The following SLC22A24 variants were observed in gnomAD, a reference collection of about 807,000 sequenced individuals.
SLC22A24 encodes solute carrier family 22 member 24.
A neutral mutation model predicts 49.8 loss-of-function variants in SLC22A24; 53 were observed. That is an observed-to-expected ratio of 1.06 (90% CI 0.85 to 1.34). SLC22A24 has a LOEUF of 1.34. Among genes scored for constraint, SLC22A24 ranks in the 40% most tolerant of loss-of-function variants. The probability of loss-of-function intolerance (pLI) is 0.00; values close to 1 mark genes in which losing one functional copy is unlikely to be tolerated. For synonymous variants in SLC22A24, 302 were observed against 256.4 expected (o/e 1.18, Z -1.70); for missense variants, 786 against 675.9 (o/e 1.16, Z -1.81).
intron 2 of SLC22A24, among the ~76,000 whole-genome samples, chr11:63,127,007 C>A (rs1031370019): frequency 1.3e-5 from 2 of 151,986 alleles, no homozygotes; most frequent in Admixed American, 6.6e-5. Flanking sequence ...ACTTTAAGTT[C>A]TAGGGTACAT....
intron 5 of SLC22A24, among the ~76,000 whole-genome samples, chr11:63,099,663 C>T (rs935656356): frequency 6.6e-6 from 1 of 151,814 alleles, no homozygotes; most frequent in African/African-American, 2.4e-5. Flanking sequence ...AATATTGATA[C>T]AGAAATCCTC....
intron 4 of SLC22A24, among the ~76,000 whole-genome samples, chr11:63,113,467 A>C (rs2087189725): frequency 6.6e-6 from 1 of 151,898 alleles, no homozygotes; most frequent in Non-Finnish European, 1.5e-5. Context: ...AAAATCTCTC[A>C]GAATTTGCTT....
intron 2 of SLC22A24, among the ~76,000 whole-genome samples, chr11:63,120,608 T>C (rs77335778): frequency 0.12 from 18,186 of 152,020 alleles, 1,219 homozygotes; most frequent in Middle Eastern, 0.16. Context: ...GAGCAGTATG[T>C]GTGTCACAGA....
At position 63,096,022 on chromosome 11, in the gene SLC22A24, G is replaced by T; in HGVS notation, c.1039C>A (p.Arg347=). ...IFSLFRAPKL[R]MRVFGLCFVR... ...AAGCACAGGCCGAAGACTCTCATTC[G>T]CAATTTGGGTGCACGGAACAGGGAA... is the stretch of plus-strand genomic sequence containing the variant. The change falls in exon 6 of 10, where the codon CGA becomes AGA. Residue 347 remains arginine, a synonymous_variant. Transcript: ENST00000612278. 3 of 1,550,564 alleles carry T rather than the reference G, an allele frequency of 1.9e-6. No homozygotes were observed. The highest frequency in any genetic ancestry group is 2.4e-5 in the South Asian group (2 of 84,020).
intron 1 of SLC22A24, among the ~76,000 whole-genome samples, chr11:63,137,225 AAGG>A (rs2134683940): frequency 6.6e-6 from 1 of 152,298 alleles, no homozygotes; most frequent in African/African-American, 2.4e-5. Context: ...GGAAGATTTC[AAGG>A]AGGTTTCTCA....
At chr11:63,122,625 C>T (rs1255824785) in intron 2 of SLC22A24, among the ~76,000 whole-genome samples, 1 of 152,140 alleles carries the variant, frequency 6.6e-6, no homozygotes, top group Non-Finnish European at 1.5e-5. Flanking sequence ...AGCCATTCTC[C>T]TGCCTCAGCC....
intron 2 of SLC22A24, among the ~76,000 whole-genome samples, chr11:63,124,493 G>T (rs1165878217): frequency 6.6e-6 from 1 of 152,192 alleles, no homozygotes; most frequent in Non-Finnish European, 1.5e-5. Context: ...AAATGCAGAA[G>T]TTCCTTCATT....
At chr11:63,088,427 G>T (rs1352392869) in intron 6 of SLC22A24, among the ~76,000 whole-genome samples, 3 of 131,014 alleles carry the variant, frequency 2.3e-5, no homozygotes, top group Admixed American at 8.0e-5. Flanking sequence ...CCACCTAAAG[G>T]TCATCAGCCT....
intron 2 of SLC22A24, among the ~76,000 whole-genome samples, chr11:63,132,483 T>C (rs1431454137): frequency 6.6e-6 from 1 of 152,174 alleles, no homozygotes; most frequent in Non-Finnish European, 1.5e-5. Context: ...AAGTCCTTTT[T>C]GTTGATGGTG....
At chr11:63,107,325 G>T (rs946591657) in intron 4 of SLC22A24, among the ~76,000 whole-genome samples, 19 of 152,138 alleles carry the variant, frequency 1.2e-4, no homozygotes, top group Admixed American at 1.1e-3. Context: ...TGCTGTTTTG[G>T]TTACTGTAGC....
At chr11:63,141,733 C>T (rs765032903) in intron 1 of SLC22A24, among the ~76,000 whole-genome samples, 3 of 152,142 alleles carry the variant, frequency 2.0e-5, no homozygotes, top group Non-Finnish European at 4.4e-5. Context: ...CTTCATGGAA[C>T]AGAGTTTCAT....
chr11:63,112,451 G>A (rs546519790), intron 4 of SLC22A24, among the ~76,000 whole-genome samples: 4 of 152,102 alleles, frequency 2.6e-5, no homozygotes, highest in Admixed American at 6.5e-5. Context: ...ATAGTGGGGT[G>A]TTAAAGTCTC....
At chr11:63,108,261 G>C (rs546713794) in intron 4 of SLC22A24, among the ~76,000 whole-genome samples, 1 of 152,276 alleles carries the variant, frequency 6.6e-6, no homozygotes, top group East Asian at 1.9e-4. Flanking sequence ...TGCCGAACCA[G>C]CCTTGCATCC....
intron 4 of SLC22A24, among the ~76,000 whole-genome samples, chr11:63,106,536 T>G (rs1315715004): frequency 6.6e-6 from 1 of 151,828 alleles, no homozygotes; most frequent in African/African-American, 2.4e-5. Context: ...TGTCACTAGT[T>G]TTCCACTAAC....
intron 6 of SLC22A24, 141 bp downstream of exon 6, chr11:63,095,850 C>G (rs1425110018): frequency 1.6e-6 from 1 of 642,372 alleles, no homozygotes; most frequent in African/African-American, 1.8e-5. Context: ...AAATGTGGCA[C>G]TTAGAGGCAT....
intron 2 of SLC22A24, among the ~76,000 whole-genome samples, chr11:63,129,284 A>G (rs943187166): frequency 6.6e-5 from 10 of 152,142 alleles, no homozygotes; most frequent in Non-Finnish European, 1.0e-4. Flanking sequence ...TCAGATGGTC[A>G]TAGACGTGTG....
At chr11:63,128,423 G>A (rs970368028) in intron 2 of SLC22A24, among the ~76,000 whole-genome samples, 2 of 151,646 alleles carry the variant, frequency 1.3e-5, no homozygotes, top group Non-Finnish European at 2.9e-5. Context: ...CCCTTTCCCT[G>A]GGGGAGTTAG....
chr11:63,080,398 A>G (rs910388046), intron 9 of SLC22A24, among the ~76,000 whole-genome samples: 2 of 152,158 alleles, frequency 1.3e-5, no homozygotes, highest in Admixed American at 6.5e-5. Flanking sequence ...AGGCATCCCA[A>G]CAAGATCCAT....
intron 2 of SLC22A24, among the ~76,000 whole-genome samples, chr11:63,122,756 G>A (rs1027341278): frequency 1.3e-5 from 2 of 152,062 alleles, no homozygotes; most frequent in Non-Finnish European, 2.9e-5. Context: ...TCCTGACTTC[G>A]TGATCCGCTA....
Sources: allele counts gnomAD v4.1 joint callset (sites outside exome capture counted in the v4.1 genomes callset), GRCh38; gene constraint gnomAD v4.1.1; transcripts MANE v1.5; gene names NCBI Gene and HGNC (gene_info 2026-07-23, HGNC 2026-07-21).